The following ERC2 variants were observed in gnomAD, a reference collection of about 807,000 sequenced individuals.
ERC2 encodes the protein ELKS/RAB6-interacting/CAST family member 2.
In ERC2, 42 loss-of-function variants were observed where a neutral mutation model predicts 114.8. The observed-to-expected ratio is 0.37, with a 90% CI of 0.29 to 0.47. ERC2 has a LOEUF of 0.47. Ranked by LOEUF, ERC2 falls within the 20% of genes least tolerant of loss-of-function variation. ERC2 has a pLI of 0.99. For synonymous variants in ERC2, 454 were observed against 425.5 expected (o/e 1.07, Z -0.82); for missense variants, 939 against 1,150.7 (o/e 0.82, Z 2.66).
At chr3:55,830,791 A>C (rs952488352) in intron 14 of ERC2, among the ~76,000 whole-genome samples, 3 of 152,000 alleles carry the variant, frequency 2.0e-5, no homozygotes, top group Non-Finnish European at 2.9e-5. Flanking sequence ...AAAATTATAA[A>C]AAACTAACCA....
At chr3:56,202,174 T>A (rs1429372293) in intron 3 of ERC2, among the ~76,000 whole-genome samples, 2 of 152,042 alleles carry the variant, frequency 1.3e-5, no homozygotes, top group Non-Finnish European at 2.9e-5. Context: ...CCCAAGAACA[T>A]CCCCAGGTAA....
chr3:55,923,682 G>A (rs2065572633), intron 13 of ERC2, among the ~76,000 whole-genome samples: 1 of 152,138 alleles, frequency 6.6e-6, no homozygotes, highest in Non-Finnish European at 1.5e-5. Context: ...TCTCCTCTTA[G>A]TGACCTCAGA....
chr3:56,167,043 C>T (rs1010378414), intron 4 of ERC2, among the ~76,000 whole-genome samples: 1 of 152,102 alleles, frequency 6.6e-6, no homozygotes, highest in Non-Finnish European at 1.5e-5. Flanking sequence ...TTTCTAGACT[C>T]GTGGCTCTTA....
intron 2 of ERC2, among the ~76,000 whole-genome samples, chr3:56,364,190 A>G (rs1383219852): frequency 6.6e-6 from 1 of 152,226 alleles, no homozygotes; most frequent in Non-Finnish European, 1.5e-5. Flanking sequence ...GGAACAGGAA[A>G]TTCATAGACT....
At chr3:55,822,337 G>T (rs1195532303) in intron 14 of ERC2, among the ~76,000 whole-genome samples, 2 of 152,032 alleles carry the variant, frequency 1.3e-5, no homozygotes, top group Non-Finnish European at 2.9e-5. Flanking sequence ...AACACATGGG[G>T]CCTGTTTCTG....
intron 17 of ERC2, among the ~76,000 whole-genome samples, chr3:55,626,203 G>A (rs755211920): frequency 6.6e-6 from 1 of 152,142 alleles, no homozygotes; most frequent in Non-Finnish European, 1.5e-5. Flanking sequence ...AACTGTCCTT[G>A]ATGGCCCTGA....
At chr3:56,243,607 T>C (rs1381015972) in intron 3 of ERC2, among the ~76,000 whole-genome samples, 1 of 152,120 alleles carries the variant, frequency 6.6e-6, no homozygotes, top group Non-Finnish European at 1.5e-5. Flanking sequence ...TGTGACAGGA[T>C]CAGAGTTGAA....
At chr3:55,663,291 T>C (rs911876394) in intron 17 of ERC2, among the ~76,000 whole-genome samples, 2 of 152,208 alleles carry the variant, frequency 1.3e-5, no homozygotes, top group African/African-American at 4.8e-5. Flanking sequence ...GCTTTTCCAA[T>C]GTACCTGCCA....
intron 4 of ERC2, among the ~76,000 whole-genome samples, chr3:56,151,164 T>A (rs1424963796): frequency 6.6e-6 from 1 of 152,114 alleles, no homozygotes; most frequent in Non-Finnish European, 1.5e-5. Flanking sequence ...AAACATAGGT[T>A]CAAGCAATTT....
chr3:56,246,800 A>G (rs963577806), intron 3 of ERC2, among the ~76,000 whole-genome samples: 3 of 152,250 alleles, frequency 2.0e-5, no homozygotes, highest in Non-Finnish European at 4.4e-5. Context: ...AGCCATCCAG[A>G]AAACCCAGCA....
In ERC2 at chr3:55,545,428, G is replaced by A. The variant is rs80055436; in HGVS notation, c.*40-34152C>T. The stretch of plus-strand genomic sequence containing the variant: ...TCCTACTGCATTTCTGCAGAGCGGC[G>A]GAAGGTGTGGGCTGCTGTGCGTCGG... On this transcript the variant is annotated intron_variant, in intron 17 of 17. Transcript: ENST00000288221. Among the ~76,000 whole-genome samples the A allele has an allele frequency of 5.1e-3, 782 of 152,334 alleles. 16 individuals carry two copies. The highest frequency in any genetic ancestry group is 0.036 in the East Asian group (188 of 5,170).
intron 7 of ERC2, among the ~76,000 whole-genome samples, chr3:56,049,653 T>C (rs920827067): frequency 1.3e-5 from 2 of 152,198 alleles, no homozygotes; most frequent in African/African-American, 4.8e-5. Flanking sequence ...CCTTTCAGCC[T>C]ACATCTTTCT....
chr3:55,816,769 A>G (rs1431905915), intron 14 of ERC2, among the ~76,000 whole-genome samples: 3 of 151,124 alleles, frequency 2.0e-5, no homozygotes, highest in African/African-American at 7.4e-5. Flanking sequence ...ACAAAAACAA[A>G]AACAAAAAAA....
intron 17 of ERC2, among the ~76,000 whole-genome samples, chr3:55,580,999 G>C (rs1237415153): frequency 6.6e-6 from 1 of 152,186 alleles, no homozygotes; most frequent in Non-Finnish European, 1.5e-5. Flanking sequence ...GTAGTTATCT[G>C]AGGGAAGAGA....
chr3:55,715,263 C>T (rs2064045431), intron 15 of ERC2, among the ~76,000 whole-genome samples: 1 of 152,122 alleles, frequency 6.6e-6, no homozygotes, highest in South Asian at 2.1e-4. Context: ...AAGTCCTCCC[C>T]CAAGAATCCA....
At chr3:55,647,882 G>A (rs768429221) in intron 17 of ERC2, among the ~76,000 whole-genome samples, 8 of 152,248 alleles carry the variant, frequency 5.3e-5, no homozygotes, top group Non-Finnish European at 1.2e-4. Flanking sequence ...TGGTCCTGCT[G>A]CAGCCGCCTC....
chr3:56,044,783 C>T (rs920949371), intron 7 of ERC2, among the ~76,000 whole-genome samples: 2 of 152,028 alleles, frequency 1.3e-5, no homozygotes, highest in African/African-American at 4.8e-5. Context: ...CATCTACTTC[C>T]TAAATAAACA....
At chr3:56,275,803 A>T (rs1367397284) in intron 3 of ERC2, among the ~76,000 whole-genome samples, 1 of 152,184 alleles carries the variant, frequency 6.6e-6, no homozygotes, top group African/African-American at 2.4e-5. Flanking sequence ...GACACCTGGC[A>T]ATGTCTGCAG....
At chr3:56,206,850 C>T (rs1321438001) in intron 3 of ERC2, among the ~76,000 whole-genome samples, 5 of 152,206 alleles carry the variant, frequency 3.3e-5, no homozygotes, top group Non-Finnish European at 7.3e-5. Flanking sequence ...TACTTAATTT[C>T]ACCACTTTTT....
Sources: allele counts gnomAD v4.1 joint callset (sites outside exome capture counted in the v4.1 genomes callset), GRCh38; gene constraint gnomAD v4.1.1; transcripts MANE v1.5; gene names NCBI Gene and HGNC (gene_info 2026-07-23, HGNC 2026-07-21).